Variants in ADAMTS9 observed in about 807,000 individuals in gnomAD.
The protein encoded by ADAMTS9 is A disintegrin and metalloproteinase with thrombospondin motifs 9.
A neutral mutation model predicts 257.1 loss-of-function variants in ADAMTS9; 107 were observed. The observed-to-expected ratio is 0.42, with a 90% CI of 0.36 to 0.49. The LOEUF (loss-of-function observed/expected upper bound fraction) is 0.49, where lower values mean the gene tolerates loss of function less well. Ranked by LOEUF, ADAMTS9 falls within the 20% of genes least tolerant of loss-of-function variation. ADAMTS9 has a pLI of 0.03. For synonymous variants in ADAMTS9, 982 were observed against 880.9 expected (o/e 1.11, Z -2.03); for missense variants, 2,353 against 2,469.1 (o/e 0.95, Z 1.00).
chr3:64,621,042 C>A, intron 19 of ADAMTS9, 72 bp downstream of exon 19: 1 of 1,527,680 alleles, frequency 6.5e-7, no homozygotes, highest in South Asian at 1.3e-5. Context: ...CCTCCTTTTG[C>A]TTCTCCTGCT....
chr3:64,656,237 C>G (rs534306933), intron 4 of ADAMTS9, among the ~76,000 whole-genome samples: 1 of 152,086 alleles, frequency 6.6e-6, no homozygotes, highest in Middle Eastern at 3.2e-3. Context: ...GCACGTTAGC[C>G]GACACTGCTA....
intron 16 of ADAMTS9, among the ~76,000 whole-genome samples, chr3:64,627,342 G>T (rs542876440): frequency 6.6e-6 from 1 of 151,688 alleles, no homozygotes; most frequent in Admixed American, 6.6e-5. Flanking sequence ...ACGATCTGCC[G>T]TGATAAATGG....
At chr3:64,552,012 T>A (rs946242388) in intron 30 of ADAMTS9, among the ~76,000 whole-genome samples, 9 of 152,094 alleles carry the variant, frequency 5.9e-5, no homozygotes, top group Non-Finnish European at 1.0e-4. Context: ...TGAACAAGAG[T>A]GCACACAAAT....
At chr3:64,601,371 G>A (rs1470160303) in intron 26 of ADAMTS9, among the ~76,000 whole-genome samples, 1 of 152,182 alleles carries the variant, frequency 6.6e-6, no homozygotes, top group Non-Finnish European at 1.5e-5. Context: ...AGAAGTGTAA[G>A]TCATTGGATC....
intron 11 of ADAMTS9, among the ~76,000 whole-genome samples, chr3:64,645,388 A>G (rs1265524697): frequency 6.6e-6 from 1 of 152,226 alleles, no homozygotes; most frequent in Non-Finnish European, 1.5e-5. Flanking sequence ...ATAAAGAGAC[A>G]TTAGTGAGTC....
At chr3:64,596,141 C>A (rs991354576) in intron 27 of ADAMTS9, among the ~76,000 whole-genome samples, 1 of 152,184 alleles carries the variant, frequency 6.6e-6, no homozygotes, top group Non-Finnish European at 1.5e-5. Flanking sequence ...GAAGTTGGTG[C>A]TATTACTATC....
Position 64,541,918 on chromosome 3 carries a change from G to A in ADAMTS9, c.5117C>T (p.Thr1706Ile), listed in dbSNP as rs374457522. 2 of 1,614,006 alleles carry A rather than the reference G, an allele frequency of 1.2e-6. No homozygotes were observed. Among genetic ancestry groups the A allele is most frequent in the Non-Finnish European group, 1.7e-6 (2 of 1,180,028 alleles). Residue 1706 changes from threonine to isoleucine, a missense_variant, in exon 33 of 40, where the codon ACC becomes ATC. By Grantham distance (89) the Thr-to-Ile change is moderately conservative (BLOSUM62 -1). This residue lies in a region of ADAMTS9 where 1,402 missense variants were observed against 1,441.4 expected (regional missense o/e 0.97). Transcript: ENST00000498707. Reference protein sequence around the residue: ...GVMQRSVQCLTNEDQPSHLCH... With the variant: ...GVMQRSVQCLINEDQPSHLCH... ...TAAGTGGCTGGGTTGGTCCTCATTG[G>A]TTAAACATTGCACAGATCTCTGCAT...
chr3:64,539,299 G>A lies in ADAMTS9; in HGVS notation c.5522-5C>T, dbSNP rs1418200489. ...TTGCAAACTGTAAGTCAGTGGCTGTGGGGTGGAGAAGGGGTTAAAGGCAGG... is the reference window on the plus strand; with the variant it reads ...TTGCAAACTGTAAGTCAGTGGCTGTAGGGTGGAGAAGGGGTTAAAGGCAGG... On this transcript the variant is annotated splice_polypyrimidine_tract_variant and splice_region_variant and intron_variant, in intron 36 of 39. Coordinates refer to ENST00000498707, the MANE Select transcript of ADAMTS9 (RefSeq NM_182920.2). 1 of 1,613,422 alleles carries A rather than the reference G, an allele frequency of 6.2e-7. No homozygotes were observed.
chr3:64,682,996 TCTCCACATGATTCATG>T (rs1191720499), intron 2 of ADAMTS9, among the ~76,000 whole-genome samples: 1 of 152,202 alleles, frequency 6.6e-6, no homozygotes, highest in Non-Finnish European at 1.5e-5. Flanking sequence ...TTTTAAAAGC[TCTCCACATGATTCATG>T]AGCCCCTGGT....
At position 64,522,193 on chromosome 3, in the gene ADAMTS9, C is replaced by T. The variant is rs144778244; in HGVS notation, c.5786G>A (p.Gly1929Asp). Residue 1929 changes from glycine (G) to aspartate (D), a missense_variant, in exon 39 of 40, where the codon GGC (glycine) becomes GAC (aspartate). This residue lies in a region of ADAMTS9 where 1,402 missense variants were observed against 1,441.4 expected (regional missense o/e 0.97). Transcript: ENST00000498707. ...CGKCTPSSGT[G>D]LEVRVL ...TAGCTATAAAACTCGCACCTCCAGG[C>T]CAGTACCAGAGGATGGAGTGCATTT... The T allele has an allele frequency of 2.5e-6, 4 of 1,613,910 alleles. No homozygotes were observed. Among genetic ancestry groups the T allele is most frequent in the Non-Finnish European group, 3.4e-6 (4 of 1,179,914 alleles).
intron 28 of ADAMTS9, chr3:64,587,160 A>G (rs2084172751): frequency 6.6e-6 from 1 of 152,126 alleles, no homozygotes; most frequent in African/African-American, 2.4e-5. Context: ...CTGATAGGCC[A>G]TCTTTTCACT....
intron 28 of ADAMTS9, chr3:64,568,820 C>T (rs570583427): frequency 3.2e-6 from 1 of 312,526 alleles, no homozygotes; most frequent in South Asian, 5.1e-5. Context: ...GCTCATGAAC[C>T]TGAAATTACC....
At chr3:64,528,844 A>T (rs1366514245) in intron 38 of ADAMTS9, among the ~76,000 whole-genome samples, 3 of 152,244 alleles carry the variant, frequency 2.0e-5, no homozygotes, top group Admixed American at 2.0e-4. Context: ...CCCATTTTAT[A>T]GATGAACAAA....
chr3:64,601,650 C>T (rs949573879), intron 26 of ADAMTS9, among the ~76,000 whole-genome samples: 4 of 152,096 alleles, frequency 2.6e-5, no homozygotes, highest in African/African-American at 9.7e-5. Flanking sequence ...CTGTGGCCTC[C>T]AGGATGAATC....
At chr3:64,650,923 G>A (rs1700916096) in intron 9 of ADAMTS9, 94 bp downstream of exon 9, 1 of 1,282,790 alleles carries the variant, frequency 7.8e-7, no homozygotes, top group Non-Finnish European at 1.1e-6. Flanking sequence ...AACTCAAAAG[G>A]AATGTTTGAC....
At chr3:64,611,535 C>T (rs1431931400) in intron 22 of ADAMTS9, among the ~76,000 whole-genome samples, 1 of 151,930 alleles carries the variant, frequency 6.6e-6, no homozygotes, top group Non-Finnish European at 1.5e-5. Flanking sequence ...TTTGGGCACC[C>T]AGGACCAGTT....
intron 26 of ADAMTS9, among the ~76,000 whole-genome samples, chr3:64,598,706 A>G (rs2084406816): frequency 6.6e-6 from 1 of 152,212 alleles, no homozygotes; most frequent in Admixed American, 6.5e-5. Context: ...TTTGGGGACC[A>G]GAATTTTAAA....
intron 29 of ADAMTS9, chr3:64,565,376 A>AT (rs2083515973): frequency 6.6e-6 from 1 of 152,244 alleles, no homozygotes; most frequent in South Asian, 2.1e-4. Context: ...GACAACACTG[A>AT]TTGCAAAACA....
At chr3:64,556,947 G>A (rs1241239205) in intron 30 of ADAMTS9, among the ~76,000 whole-genome samples, 1 of 152,086 alleles carries the variant, frequency 6.6e-6, no homozygotes, top group Non-Finnish European at 1.5e-5. Flanking sequence ...AGAAGATTCT[G>A]GTGAACAAGC....
Sources: gnomAD v4.1 joint callset for allele counts (sites outside exome capture counted in the v4.1 genomes callset) on GRCh38, gnomAD v4.1.1 for gene constraint, gnomAD v4.1.1 regional missense constraint, MANE v1.5 for transcripts, NCBI Gene and HGNC (gene_info 2026-07-23, HGNC 2026-07-21) for gene names.